The following TENM3 variants were observed in gnomAD, a reference collection of about 807,000 sequenced individuals.
TENM3 encodes the protein teneurin-3.
In TENM3, 63 loss-of-function variants were observed where a neutral mutation model predicts 255.1. The ratio of observed to expected loss-of-function variants is 0.25; its 90% CI spans 0.20 to 0.30. The LOEUF is 0.30. Among genes scored for constraint, TENM3 ranks in the 10% least tolerant of loss-of-function variants. TENM3 has a pLI of 1.00. For missense variants in TENM3, 2,929 were observed against 3,461.1 expected (o/e 0.85, Z 3.86); for synonymous variants, 1,306 against 1,322.3 (o/e 0.99, Z 0.27).
intron 11 of TENM3, among the ~76,000 whole-genome samples, chr4:182,686,533 A>G (rs1401280544): frequency 2.6e-5 from 4 of 152,144 alleles, no homozygotes; most frequent in Admixed American, 1.3e-4. Context: ...TCTAAATTCA[A>G]TAAGAGAATA....
the TENM3 span, among the ~76,000 whole-genome samples, chr4:181,523,706 A>G: frequency 1.3e-5 from 2 of 152,188 alleles, no homozygotes; most frequent in East Asian, 3.9e-4. Flanking sequence ...GTTTCCTTAA[A>G]GCAAGCTCTA....
chr4:181,626,587 G>A, the TENM3 span, among the ~76,000 whole-genome samples: 61 of 152,010 alleles, frequency 4.0e-4, no homozygotes, highest in Non-Finnish European at 7.6e-4. Flanking sequence ...GAGATGCCAC[G>A]CTCTTTTAAA....
chr4:182,700,541 T>G (rs1211029193), intron 12 of TENM3, among the ~76,000 whole-genome samples: 3 of 152,206 alleles, frequency 2.0e-5, no homozygotes, highest in Non-Finnish European at 2.9e-5. Context: ...CTGTTGCTCT[T>G]CATGATAAGT....
chr4:181,762,732 T>C, the TENM3 span, among the ~76,000 whole-genome samples: 1 of 152,180 alleles, frequency 6.6e-6, no homozygotes, highest in Non-Finnish European at 1.5e-5. Context: ...AAACTTCTTA[T>C]TTACCAGTGA....
the TENM3 span, among the ~76,000 whole-genome samples, chr4:181,561,233 T>C: frequency 1.3e-5 from 2 of 152,156 alleles, no homozygotes; most frequent in South Asian, 4.1e-4. Context: ...GGATTACAGG[T>C]GTGAGCCACT....
chr4:182,688,461 G>A (rs1756765098), intron 12 of TENM3, 110 bp downstream of exon 12: 2 of 864,962 alleles, frequency 2.3e-6, no homozygotes, highest in Non-Finnish European at 3.2e-6. Context: ...TTTTTTACTT[G>A]TCTTTCTTAA....
At chr4:181,742,357 C>A in the TENM3 span, among the ~76,000 whole-genome samples, 1 of 152,058 alleles carries the variant, frequency 6.6e-6, no homozygotes, top group Non-Finnish European at 1.5e-5. Flanking sequence ...CTTAAAATTT[C>A]TTTCATAGAA....
rs145485702 is a variant in TENM3, at chr4:182,453,365, G to T, written c.511+106436G>T. ...AATTGAAAAGTACACGCAAATATTT[G>T]TGGGCATGTCACATTTAAATAATAG... is the stretch of plus-strand genomic sequence containing the variant. On this transcript the variant is annotated intron_variant, in intron 3 of 27. Transcript: ENST00000511685. Among the ~76,000 whole-genome samples, 648 of 152,236 alleles carry T rather than the reference G, an allele frequency of 4.3e-3. 5 individuals are homozygous for T. The highest frequency in any genetic ancestry group is 0.015 in the African/African-American group (624 of 41,532).
chr4:181,812,675 G>A, the TENM3 span, among the ~76,000 whole-genome samples: 8 of 152,274 alleles, frequency 5.3e-5, no homozygotes, highest in South Asian at 4.1e-4. Flanking sequence ...TTGGCTCGGA[G>A]GACAGCTGAG....
the TENM3 span, among the ~76,000 whole-genome samples, chr4:182,053,629 C>T: frequency 6.6e-6 from 1 of 152,156 alleles, no homozygotes; most frequent in African/African-American, 2.4e-5. Flanking sequence ...TCCTTTGCAG[C>T]CCCTCAAGTG....
the TENM3 span, among the ~76,000 whole-genome samples, chr4:181,555,342 A>T: frequency 6.6e-6 from 1 of 152,156 alleles, no homozygotes; most frequent in Non-Finnish European, 1.5e-5. Context: ...ATATTATCTT[A>T]GCCACTAAAA....
chr4:181,552,979 G>A, the TENM3 span, among the ~76,000 whole-genome samples: 3 of 152,242 alleles, frequency 2.0e-5, no homozygotes, highest in South Asian at 6.2e-4. Context: ...TTTGTCGATG[G>A]TGCTTTTTCT....
chr4:182,030,252 G>T, the TENM3 span, among the ~76,000 whole-genome samples: 250 of 151,500 alleles, frequency 1.7e-3, 1 homozygote, highest in Admixed American at 6.1e-3. Context: ...CCCCATGACA[G>T]GCCCCAGTGT....
the TENM3 span, among the ~76,000 whole-genome samples, chr4:181,804,080 AAAGAAAGG>A: frequency 1.6e-4 from 7 of 44,358 alleles, no homozygotes; most frequent in African/African-American, 4.2e-4. Flanking sequence ...GGAAAGAAAG[AAAGAAAGG>A]AAGGGAGGGA....
chr4:181,896,877 G>A, the TENM3 span, among the ~76,000 whole-genome samples: 1 of 152,140 alleles, frequency 6.6e-6, no homozygotes, highest in Non-Finnish European at 1.5e-5. Context: ...AGAATCTGCA[G>A]CATCACAGAC....
intron 20 of TENM3, among the ~76,000 whole-genome samples, chr4:182,752,531 TA>T (rs33994890): frequency 0.99 from 150,295 of 152,180 alleles, 74,243 homozygotes; most frequent in East Asian, 1. Flanking sequence ...GTAACAGGGC[TA>T]AAAAAATTCT....
the TENM3 span, among the ~76,000 whole-genome samples, chr4:181,867,725 AT>A: frequency 6.6e-6 from 1 of 152,102 alleles, no homozygotes; most frequent in African/African-American, 2.4e-5. Flanking sequence ...TAGGATAGCA[AT>A]TTTTCTATTT....
chr4:182,657,477 G>A (rs1360657504), intron 6 of TENM3, among the ~76,000 whole-genome samples: 1 of 151,954 alleles, frequency 6.6e-6, no homozygotes, highest in Non-Finnish European at 1.5e-5. Context: ...GTTCATCTTT[G>A]CGGGGGTCCT....
intron 10 of TENM3, among the ~76,000 whole-genome samples, 158 bp downstream of exon 10, chr4:182,680,895 A>T (rs1756119902): frequency 6.6e-6 from 1 of 152,200 alleles, no homozygotes; most frequent in Admixed American, 6.5e-5. Flanking sequence ...CTAACATTTT[A>T]ACTAATAAAA....
Sources: gnomAD v4.1 joint callset for allele counts (sites outside exome capture counted in the v4.1 genomes callset) on GRCh38, gnomAD v4.1.1 for gene constraint, MANE v1.5 for transcripts, NCBI Gene and HGNC (gene_info 2026-07-23, HGNC 2026-07-21) for gene names.